Variants in SLC4A4 observed in about 807,000 individuals in gnomAD.
SLC4A4 encodes solute carrier family 4 member 4, also known as electrogenic sodium bicarbonate cotransporter 1.
In SLC4A4, 27 loss-of-function variants were observed where a neutral mutation model predicts 111.5. The observed-to-expected ratio is 0.24, with a 90% CI of 0.18 to 0.33. The LOEUF is 0.33. Among genes scored for constraint, SLC4A4 ranks in the 10% least tolerant of loss-of-function variants. SLC4A4 has a pLI of 1.00. For missense variants in SLC4A4, 909 were observed against 1,315.5 expected, an observed-to-expected ratio of 0.69 and a Z score of 4.78; for synonymous variants, 443 against 463.4, an observed-to-expected ratio of 0.96 and a Z score of 0.57.
chr4:71,540,694 C>A lies in SLC4A4; in HGVS notation c.2443-5656C>A, dbSNP rs572555684. 7.9e-5 allele frequency among the ~76,000 whole-genome samples: 12 copies of A among 151,752 alleles called. No individual in the cohort carries two copies. The South Asian group carries it at 2.5e-3, about 32-fold the overall frequency. ...AACACCAAGGTTGGAATTGACCATG[C>A]CTTTCTTTGTGCCTTGTACCTTGCA... On this transcript the variant is annotated intron_variant, in intron 18 of 25. Transcript: ENST00000264485.
At chr4:71,095,712 T>C (rs1242675708) in intron 2 of SLC4A4, among the ~76,000 whole-genome samples, 1 of 152,152 alleles carries the variant, frequency 6.6e-6, no homozygotes, top group African/African-American at 2.4e-5. Context: ...GCTCCTACTG[T>C]CATAGAGCTT....
chr4:71,366,366 C>G (rs1464490440), intron 6 of SLC4A4, among the ~76,000 whole-genome samples: 2 of 62,962 alleles, frequency 3.2e-5, no homozygotes, highest in Non-Finnish European at 9.4e-5. Context: ...TATCTATTTG[C>G]TTGATTCAAA....
At chr4:71,353,318 G>A (rs184860826) in intron 5 of SLC4A4, among the ~76,000 whole-genome samples, 1 of 152,320 alleles carries the variant, frequency 6.6e-6, no homozygotes, top group East Asian at 1.9e-4. Context: ...CCTGGGGCAA[G>A]CAGTCAGAGA....
At chr4:71,121,897 C>T (rs1164529112) in intron 2 of SLC4A4, among the ~76,000 whole-genome samples, 1 of 152,116 alleles carries the variant, frequency 6.6e-6, no homozygotes, top group Non-Finnish European at 1.5e-5. Context: ...AGGTTCACTC[C>T]TGAGGCCAGC....
intron 2 of SLC4A4, among the ~76,000 whole-genome samples, chr4:71,107,971 G>GGT: frequency 6.6e-6 from 1 of 151,848 alleles, no homozygotes; most frequent in Non-Finnish European, 1.5e-5. Context: ...GGTTACCATG[G>GGT]GTGTTACATT....
chr4:71,255,411 C>T lies in SLC4A4; in HGVS notation c.253+12C>T, dbSNP rs1355753544. 2 of 1,613,024 alleles carry T rather than the reference C, an allele frequency of 1.2e-6. No individual in the cohort carries two copies. Among genetic ancestry groups the T allele is most frequent in the Non-Finnish European group, 1.7e-6 (2 of 1,179,208 alleles). On this transcript the variant is annotated intron_variant, in intron 3 of 25. Coordinates refer to ENST00000264485, the MANE Select transcript of SLC4A4 (RefSeq NM_001098484.3). The stretch of plus-strand genomic sequence containing the variant: ...CCTAAAACCTCTCAGTGAGTACTCT[C>T]TGAGCGTTGGTGCCTCTCTCTGCCT...
At chr4:71,406,485 C>T (rs1057224617) in intron 7 of SLC4A4, among the ~76,000 whole-genome samples, 16 of 152,116 alleles carry the variant, frequency 1.1e-4, no homozygotes, top group Admixed American at 6.6e-5. Flanking sequence ...CTGTTTCTAG[C>T]TCACTTGTCT....
At chr4:71,432,316 T>C (rs1464719201) in intron 7 of SLC4A4, among the ~76,000 whole-genome samples, 1 of 152,172 alleles carries the variant, frequency 6.6e-6, no homozygotes, top group Non-Finnish European at 1.5e-5. Context: ...ACGGGAACTC[T>C]CTCTGGAGAG....
intron 16 of SLC4A4, among the ~76,000 whole-genome samples, chr4:71,519,700 C>T (rs982728347): frequency 6.6e-6 from 1 of 152,000 alleles, no homozygotes; most frequent in Non-Finnish European, 1.5e-5. Context: ...AGTGGCATGA[C>T]CTTGGGTCAC....
intron 16 of SLC4A4, among the ~76,000 whole-genome samples, chr4:71,527,489 A>T (rs1733519956): frequency 6.6e-6 from 1 of 152,050 alleles, no homozygotes; most frequent in South Asian, 2.1e-4. Flanking sequence ...TTAGGGTGTC[A>T]GTGGTGGGGC....
chr4:71,269,848 A>G (rs1722577939), intron 3 of SLC4A4, among the ~76,000 whole-genome samples: 1 of 152,216 alleles, frequency 6.6e-6, no homozygotes. Flanking sequence ...AGTATACTTT[A>G]CTTACGAGCT....
chr4:71,086,229 G>C (rs1367784189), intron 1 of SLC4A4, among the ~76,000 whole-genome samples: 3 of 151,728 alleles, frequency 2.0e-5, no homozygotes, highest in African/African-American at 4.9e-5. Flanking sequence ...GTATAAGAAT[G>C]CTTGTGATTT....
intron 2 of SLC4A4, among the ~76,000 whole-genome samples, chr4:71,245,503 G>A (rs975924354): frequency 6.6e-6 from 1 of 152,060 alleles, no homozygotes; most frequent in Non-Finnish European, 1.5e-5. Flanking sequence ...GATGGGGATG[G>A]CTGCTTCTGG....
At chr4:71,228,137 C>G (rs1047111068) in intron 1 of SLC4A4, among the ~76,000 whole-genome samples, 1 of 152,188 alleles carries the variant, frequency 6.6e-6, no homozygotes, top group Non-Finnish European at 1.5e-5. Flanking sequence ...CATCTTTCAC[C>G]TTCCCTGGTC....
intron 8 of SLC4A4, among the ~76,000 whole-genome samples, chr4:71,445,319 G>A (rs1725126188): frequency 6.6e-6 from 1 of 152,082 alleles, no homozygotes; most frequent in South Asian, 2.1e-4. Context: ...GACTGAGAAT[G>A]TTTTTTCACT....
chr4:71,154,863 T>C (rs1208512904), intron 2 of SLC4A4, among the ~76,000 whole-genome samples: 2 of 152,170 alleles, frequency 1.3e-5, no homozygotes, highest in Non-Finnish European at 2.9e-5. Context: ...ATCAGTGTTA[T>C]GGAAAAAAAT....
At chr4:71,359,617 CTCTTAGAATAAATTTCTAAACAAACGT>C (rs1461248507) in intron 6 of SLC4A4, among the ~76,000 whole-genome samples, 1 of 152,080 alleles carries the variant, frequency 6.6e-6, no homozygotes, top group Non-Finnish European at 1.5e-5. Flanking sequence ...ATGAAATGTT[CTCTTAGAATAAATTTCTAAACAAACGT>C]TCTTAGAATA....
intron 2 of SLC4A4, among the ~76,000 whole-genome samples, chr4:71,140,650 C>A (rs1237405484): frequency 3.3e-5 from 5 of 152,202 alleles, no homozygotes; most frequent in African/African-American, 1.2e-4. Flanking sequence ...ACCATTTACA[C>A]TGCATTAAGT....
At chr4:71,287,085 T>C (rs760727407) in intron 3 of SLC4A4, among the ~76,000 whole-genome samples, 1 of 152,160 alleles carries the variant, frequency 6.6e-6, no homozygotes, top group Non-Finnish European at 1.5e-5. Context: ...GGCCTGATTA[T>C]AGTCTTCTAA....
Sources: gnomAD v4.1 joint callset for allele counts (sites outside exome capture counted in the v4.1 genomes callset) on GRCh38, gnomAD v4.1.1 for gene constraint, MANE v1.5 for transcripts, NCBI Gene and HGNC (gene_info 2026-07-23, HGNC 2026-07-21) for gene names.